LHFPL6: variants seen among roughly 807,000 people sequenced by gnomAD.
LHFPL6 encodes LHFPL tetraspan subfamily member 6.
Under a neutral mutation model 20.6 loss-of-function variants are expected in LHFPL6, and 9 were observed. That is an observed-to-expected ratio of 0.44 (90% CI 0.26 to 0.76). LHFPL6 has a LOEUF of 0.76. Among genes scored for constraint, LHFPL6 ranks in the 30% least tolerant of loss-of-function variants. LHFPL6 has a pLI of 0.20. For missense variants in LHFPL6, 218 were observed against 253.5 expected, an observed-to-expected ratio of 0.86 and a Z score of 0.95; for synonymous variants, 105 against 98.7, an observed-to-expected ratio of 1.06 and a Z score of -0.38.
chr13:39,518,150 G>A (rs540230908), intron 2 of LHFPL6, among the ~76,000 whole-genome samples: 5 of 150,420 alleles, frequency 3.3e-5, no homozygotes, highest in East Asian at 4.2e-4. Context: ...TTCGAATAGC[G>A]ACGCTCAAAG....
At chr13:39,375,216 T>C (rs571648386) in intron 3 of LHFPL6, among the ~76,000 whole-genome samples, 5 of 152,354 alleles carry the variant, frequency 3.3e-5, no homozygotes, top group Admixed American at 2.0e-4. Context: ...GCATGTTTGC[T>C]GGAGCCATCT....
At chr13:39,518,826 T>C (rs1019616265) in intron 2 of LHFPL6, among the ~76,000 whole-genome samples, 2 of 152,220 alleles carry the variant, frequency 1.3e-5, no homozygotes, top group African/African-American at 2.4e-5. Context: ...CAAACACGTG[T>C]CTACTGATGT....
intron 3 of LHFPL6, among the ~76,000 whole-genome samples, chr13:39,353,635 G>A (rs1161272452): frequency 1.3e-5 from 2 of 152,214 alleles, no homozygotes; most frequent in African/African-American, 4.8e-5. Context: ...GGCTGAGGCA[G>A]GAGAATCTCT....
chr13:39,392,560 C>T (rs2138372182), intron 2 of LHFPL6, among the ~76,000 whole-genome samples: 1 of 152,238 alleles, frequency 6.6e-6, no homozygotes, highest in Non-Finnish European at 1.5e-5. Context: ...CCCCATTGCA[C>T]TCCAGCCTGG....
intron 2 of LHFPL6, among the ~76,000 whole-genome samples, chr13:39,514,899 C>T (rs539624645): frequency 4.6e-5 from 7 of 152,336 alleles, no homozygotes; most frequent in African/African-American, 1.2e-4. Context: ...CTATCCCCCA[C>T]GTAATGCCAC....
At chr13:39,570,271 G>T (rs1281169759) in intron 2 of LHFPL6, among the ~76,000 whole-genome samples, 2 of 152,084 alleles carry the variant, frequency 1.3e-5, no homozygotes, top group Non-Finnish European at 2.9e-5. Context: ...CTCCTGAATA[G>T]CCAGGACTAT....
intron 2 of LHFPL6, among the ~76,000 whole-genome samples, chr13:39,442,604 G>A (rs897859836): frequency 2.6e-5 from 4 of 152,240 alleles, no homozygotes; most frequent in African/African-American, 9.6e-5. Context: ...GATTAGCTAT[G>A]TAGCTCTAAG....
intron 3 of LHFPL6, among the ~76,000 whole-genome samples, chr13:39,369,825 C>T (rs9315679): frequency 0.55 from 83,445 of 151,718 alleles, 23,654 homozygotes; most frequent in East Asian, 0.7. Flanking sequence ...AGCTAGGCAC[C>T]GAAGTTGAAA....
intron 2 of LHFPL6, among the ~76,000 whole-genome samples, chr13:39,459,128 T>C (rs747841336): frequency 7.9e-5 from 12 of 151,278 alleles, no homozygotes; most frequent in Non-Finnish European, 1.2e-4. Context: ...AAGAGGGAGA[T>C]AGATTATAAA....
intron 3 of LHFPL6, among the ~76,000 whole-genome samples, chr13:39,357,637 T>C (rs1344909731): frequency 6.6e-6 from 1 of 152,174 alleles, no homozygotes; most frequent in East Asian, 1.9e-4. Context: ...ACTCTTCAAT[T>C]ACTTCAGTAA....
At chr13:39,460,067 ATT>A (rs33962231) in intron 2 of LHFPL6, among the ~76,000 whole-genome samples, 83,131 of 151,308 alleles carry the variant, frequency 0.55, 23,972 homozygotes, top group East Asian at 0.9. Flanking sequence ...ACAAAATTTA[ATT>A]AATGCCTTGA....
rs372160959 is a variant in LHFPL6 at position 39,348,751 on chromosome 13, C to CGATA, written c.485-4698_485-4697insTATC. On this transcript the variant is annotated intron_variant, in intron 3 of 3. Coordinates refer to ENST00000379589, the MANE Select transcript of LHFPL6 (RefSeq NM_005780.3). The stretch of plus-strand genomic sequence containing the variant: ...ACCCCACCCGCCTACCCAAGCCCTG[C>CGATA]TATCCCCTGAGAGAGGCAGAGCAGA... Among the ~76,000 whole-genome samples the CGATA allele has an allele frequency of 3.8e-3, 572 of 152,308 alleles. 6 individuals carry two copies. The highest frequency in any genetic ancestry group is 0.013 in the African/African-American group (528 of 41,566).
intron 2 of LHFPL6, among the ~76,000 whole-genome samples, chr13:39,398,786 G>A (rs909306168): frequency 2.6e-5 from 4 of 152,220 alleles, no homozygotes; most frequent in African/African-American, 9.6e-5. Flanking sequence ...AGTGGCATTA[G>A]ATTCTCATAG....
intron 2 of LHFPL6, among the ~76,000 whole-genome samples, chr13:39,548,424 G>A (rs1871044031): frequency 6.6e-6 from 1 of 152,034 alleles, no homozygotes. Flanking sequence ...CTTTTCTGTT[G>A]TAGTCTCACT....
intron 3 of LHFPL6, among the ~76,000 whole-genome samples, chr13:39,370,621 C>T (rs1593288424): frequency 6.6e-6 from 1 of 152,308 alleles, no homozygotes; most frequent in East Asian, 1.9e-4. Flanking sequence ...GAGTGACAGA[C>T]ACTTTAACTG....
At chr13:39,558,342 C>T (rs1321253210) in intron 2 of LHFPL6, among the ~76,000 whole-genome samples, 3 of 152,146 alleles carry the variant, frequency 2.0e-5, no homozygotes, top group Admixed American at 2.0e-4. Context: ...AGATAACATA[C>T]ATGCAATGCC....
intron 2 of LHFPL6, among the ~76,000 whole-genome samples, chr13:39,528,723 C>T (rs1870369149): frequency 6.6e-6 from 1 of 152,216 alleles, no homozygotes; most frequent in Non-Finnish European, 1.5e-5. Context: ...AATTCTTACA[C>T]TTGTCACCCC....
intron 2 of LHFPL6, among the ~76,000 whole-genome samples, chr13:39,408,482 G>C (rs936923433): frequency 3.3e-5 from 5 of 152,128 alleles, no homozygotes; most frequent in Non-Finnish European, 7.3e-5. Flanking sequence ...CTTACATATA[G>C]ACAATTATAA....
At position 39,408,064 on chromosome 13, in the gene LHFPL6, T is replaced by A. The variant is rs73173497; in HGVS notation, c.386-29538A>T. 2.3e-3 allele frequency among the ~76,000 whole-genome samples: 343 copies of A among 152,310 alleles called. 3 individuals are homozygous for A. The highest frequency in any genetic ancestry group is 6.0e-3 in the South Asian group (29 of 4,826). ...GTACCTGACATGGTCTAAAGCAGGA[T>A]GTTTATACTCAGCTATCTCAAATCC... On this transcript the variant is annotated intron_variant, in intron 2 of 3. Coordinates refer to ENST00000379589, the MANE Select transcript of LHFPL6 (RefSeq NM_005780.3).
Sources: allele counts gnomAD v4.1 joint callset (sites outside exome capture counted in the v4.1 genomes callset), GRCh38; gene constraint gnomAD v4.1.1; transcripts MANE v1.5; gene names NCBI Gene and HGNC (gene_info 2026-07-23, HGNC 2026-07-21).